Variants in CUX2 observed in about 807,000 individuals in gnomAD.
CUX2 encodes cut like homeobox 2.
In CUX2, 40 loss-of-function variants were observed where a neutral mutation model predicts 144.8. That is an observed-to-expected ratio of 0.28 (90% confidence interval 0.21 to 0.36). The LOEUF (loss-of-function observed/expected upper bound fraction) is 0.36, where lower values mean the gene tolerates loss of function less well. CUX2 is among the 10% of genes least tolerant of loss of function. The pLI is 1.00. For missense variants in CUX2, 1,615 were observed against 1,994.0 expected (o/e 0.81, Z 3.62); for synonymous variants, 827 against 875.6 (o/e 0.94, Z 0.98).
intron 4 of CUX2, among the ~76,000 whole-genome samples, chr12:111,284,071 C>A (rs1308305784): frequency 2.0e-5 from 3 of 152,044 alleles, no homozygotes; most frequent in African/African-American, 7.3e-5. Flanking sequence ...CTTTTGTGGG[C>A]CTTTCCCTAC....
At chr12:111,297,655 T>C (rs907557324) in intron 8 of CUX2, among the ~76,000 whole-genome samples, 2 of 152,224 alleles carry the variant, frequency 1.3e-5, no homozygotes, top group African/African-American at 4.8e-5. Context: ...AATCATTCAT[T>C]CTGCAAACAC....
intron 18 of CUX2, among the ~76,000 whole-genome samples, chr12:111,328,974 TCC>T (rs1454171974): frequency 7.7e-4 from 50 of 65,338 alleles, no homozygotes; most frequent in Middle Eastern, 7.9e-3. Flanking sequence ...TCTCTCTCTC[TCC>T]CCCTCTCTCC....
intron 1 of CUX2, among the ~76,000 whole-genome samples, chr12:111,112,835 C>T (rs552698343): frequency 3.0e-4 from 46 of 152,244 alleles, no homozygotes; most frequent in African/African-American, 1.0e-3. Context: ...CACCTTGATC[C>T]GAGGCATAAC....
In CUX2 at chr12:111,263,708, G is replaced by A; in HGVS notation, c.223-53G>A. Reference sequence around the variant, plus strand: ...AAAAAAAAAATGATGAAATTTGCTTGCAGACACAGATGCCATGGTTACACG... The same window carrying A: ...AAAAAAAAAATGATGAAATTTGCTTACAGACACAGATGCCATGGTTACACG... On this transcript the variant is annotated intron_variant, in intron 3 of 21. Coordinates refer to ENST00000261726, the MANE Select transcript of CUX2 (RefSeq NM_015267.4). This position sits in a 1 kb window ranked among gnomAD's most constrained non-coding sequence, Gnocchi z 4.0. 1 of 1,322,104 alleles carries A rather than the reference G, an allele frequency of 7.6e-7. No homozygotes were observed. Among genetic ancestry groups the A allele is most frequent in the Non-Finnish European group, 1.1e-6 (1 of 928,470 alleles). 81.9% of individuals were successfully genotyped at this position (1,322,104 alleles called of 1,614,324 possible).
intron 1 of CUX2, among the ~76,000 whole-genome samples, chr12:111,179,593 G>GGTTGTT (rs150316221): frequency 7.9e-5 from 12 of 151,382 alleles, no homozygotes; most frequent in East Asian, 2.0e-4. Context: ...CCATCGCCGT[G>GGTTGTT]GTTGTTGTTG....
intron 1 of CUX2, among the ~76,000 whole-genome samples, chr12:111,043,870 A>G (rs1051752841): frequency 9.2e-5 from 14 of 152,210 alleles, no homozygotes; most frequent in Non-Finnish European, 1.0e-4. Flanking sequence ...AGTAGGAGAA[A>G]GGGCATTCCA....
At chr12:111,281,062 G>A (rs369379810) in intron 4 of CUX2, among the ~76,000 whole-genome samples, 41 of 152,036 alleles carry the variant, frequency 2.7e-4, no homozygotes, top group East Asian at 5.8e-4. Context: ...CCTATCTGAC[G>A]CCCTCTACAC....
intron 4 of CUX2, among the ~76,000 whole-genome samples, chr12:111,274,801 A>G (rs1430340066): frequency 2.0e-5 from 3 of 152,196 alleles, no homozygotes; most frequent in Non-Finnish European, 4.4e-5. Context: ...GGGTGCACGC[A>G]TACTTCTGCA....
rs140644117 is a variant in CUX2, at chr12:111,044,039, A to G, written c.63+9799A>G. Among the ~76,000 whole-genome samples the G allele has an allele frequency of 2.5e-3, 378 of 152,274 alleles. 4 individuals carry two copies. The highest frequency in any genetic ancestry group is 8.9e-3 in the African/African-American group (370 of 41,562). On this transcript the variant is annotated intron_variant, in intron 1 of 21. Coordinates refer to ENST00000261726, the MANE Select transcript of CUX2 (RefSeq NM_015267.4). ...CACACGGGACCCCTCTGCTAACTCC[A>G]TGGTAGTCTAGGAGCTTCCGTCAAC...
In CUX2 at chr12:111,287,559, A is replaced by T. The variant is rs1247705291; in HGVS notation, c.302-3859A>T. ...GCATGCACACAACAAATAATTATAG[A>T]TGAATTTTTAGCTGGCCTGCCTAAT... On this transcript the variant is annotated intron_variant, in intron 4 of 21. Transcript: ENST00000261726. This position sits in a 1 kb window ranked among gnomAD's most constrained non-coding sequence, Gnocchi z 4.2. Among the ~76,000 whole-genome samples the T allele has an allele frequency of 6.6e-6, 1 of 152,268 alleles. No homozygotes were observed. Among genetic ancestry groups the T allele is most frequent in the Non-Finnish European group, 1.5e-5 (1 of 68,042 alleles).
chr12:111,120,508 T>C (rs937310069), intron 1 of CUX2, among the ~76,000 whole-genome samples: 1 of 151,154 alleles, frequency 6.6e-6, no homozygotes, highest in African/African-American at 2.4e-5. Flanking sequence ...CTCCTGGGAG[T>C]TGTTGGGCTG....
chr12:111,343,808 C>T (rs532063094), intron 21 of CUX2, among the ~76,000 whole-genome samples: 8 of 152,316 alleles, frequency 5.3e-5, no homozygotes, highest in African/African-American at 1.4e-4. Context: ...CACCTGTAAT[C>T]GCAGCACTTT....
chr12:111,107,494 G>C (rs1006615571), intron 1 of CUX2, among the ~76,000 whole-genome samples: 3 of 152,254 alleles, frequency 2.0e-5, no homozygotes, highest in African/African-American at 7.2e-5. Flanking sequence ...GGGAGTTCCG[G>C]GAGCTGCAGG....
At chr12:111,271,954 A>G (rs1160144738) in intron 4 of CUX2, among the ~76,000 whole-genome samples, 2 of 152,168 alleles carry the variant, frequency 1.3e-5, no homozygotes, top group African/African-American at 4.8e-5. Flanking sequence ...TCTCTTGTCT[A>G]TTGTATGTAG....
chr12:111,211,316 C>T (rs1454837548), intron 1 of CUX2, among the ~76,000 whole-genome samples: 1 of 152,100 alleles, frequency 6.6e-6, no homozygotes, highest in Non-Finnish European at 1.5e-5. Flanking sequence ...CTGGTGATAT[C>T]CCCCTGCCTT....
At chr12:111,114,202 A>G (rs1301349280) in intron 1 of CUX2, among the ~76,000 whole-genome samples, 1 of 152,182 alleles carries the variant, frequency 6.6e-6, no homozygotes, top group East Asian at 1.9e-4. Flanking sequence ...CATTTCTACC[A>G]GTAACATATG....
chr12:111,301,549 G>C (rs1886296266), intron 9 of CUX2, among the ~76,000 whole-genome samples: 1 of 151,858 alleles, frequency 6.6e-6, no homozygotes, highest in Non-Finnish European at 1.5e-5. Context: ...ACAGGGTCCA[G>C]CTCTGTCACC....
chr12:111,238,224 A>G (rs1882856623), intron 3 of CUX2, among the ~76,000 whole-genome samples: 1 of 152,174 alleles, frequency 6.6e-6, no homozygotes, highest in Non-Finnish European at 1.5e-5. Context: ...TGTTTGCCTA[A>G]TTACTCACAT....
At chr12:111,198,722 C>T (rs1245106692) in intron 1 of CUX2, among the ~76,000 whole-genome samples, 1 of 152,316 alleles carries the variant, frequency 6.6e-6, no homozygotes, top group East Asian at 1.9e-4. Context: ...GAGGGCCCTG[C>T]TGAGAAGGTG....
Sources: gnomAD v4.1 joint callset for allele counts (sites outside exome capture counted in the v4.1 genomes callset) on GRCh38, gnomAD v4.1.1 for gene constraint, Gnocchi (gnomAD v3.1) non-coding constraint, MANE v1.5 for transcripts, NCBI Gene and HGNC (gene_info 2026-07-23, HGNC 2026-07-21) for gene names.